ADGRE3: variants seen among roughly 807,000 people sequenced by gnomAD.
ADGRE3 encodes EGF-like module receptor 3.
Under a neutral mutation model 80.1 loss-of-function variants are expected in ADGRE3, and 88 were observed. That is an observed-to-expected ratio of 1.10 (90% CI 0.93 to 1.31). The LOEUF is 1.31. ADGRE3 is among the 40% of genes most tolerant of loss of function. ADGRE3 has a pLI of 0.00. For missense variants in ADGRE3, 715 were observed against 776.5 expected, an observed-to-expected ratio of 0.92 and a Z score of 0.94; for synonymous variants, 281 against 294.8, an observed-to-expected ratio of 0.95 and a Z score of 0.48.
rs1249785195 is a variant in ADGRE3 at position 14,644,041 on chromosome 19, G to C, written c.1050+67C>G. 6.9e-6 allele frequency: 6 copies of C among 870,678 alleles called. No homozygotes were observed. In the South Asian group the frequency reaches 2.1e-4, roughly 31 times the overall value. 53.9% of individuals were successfully genotyped at this position (870,678 alleles called of 1,614,324 possible). The stretch of plus-strand genomic sequence containing the variant: ...TCAGTTTTTTTTTTTTTTTTTAATA[G>C]CACTTATTACCACTTAGTAGGGGCT... On this transcript the variant is annotated intron_variant, in intron 9 of 15. Coordinates refer to ENST00000253673, the MANE Select transcript of ADGRE3 (RefSeq NM_032571.5).
At chr19:14,664,616 G>A (rs1293029732) in intron 2 of ADGRE3, among the ~76,000 whole-genome samples, 1 of 152,138 alleles carries the variant, frequency 6.6e-6, no homozygotes, top group Non-Finnish European at 1.5e-5. Flanking sequence ...GGCTGAAGCG[G>A]GAGGATTGCT....
At chr19:14,646,659 T>TCCTCCCTC (rs546627316) in intron 8 of ADGRE3, among the ~76,000 whole-genome samples, 3 of 85,362 alleles carry the variant, frequency 3.5e-5, no homozygotes, top group Admixed American at 2.5e-4. Context: ...CTCTCTCTCT[T>TCCTCCCTC]CCTCCCTCCC....
At chr19:14,653,509 GT>G (rs565938001) in intron 6 of ADGRE3, among the ~76,000 whole-genome samples, 2 of 152,070 alleles carry the variant, frequency 1.3e-5, no homozygotes, top group South Asian at 4.1e-4. Flanking sequence ...TTTCTTAAAA[GT>G]TTGAGTCGTT....
chr19:14,618,017 T>C (rs1459519598), downstream of ADGRE3, among the ~76,000 whole-genome samples: 1 of 152,174 alleles, frequency 6.6e-6, no homozygotes, highest in African/African-American at 2.4e-5. Flanking sequence ...TTACATTCTT[T>C]AATTTTTTTA....
chr19:14,633,519 AC>A (rs1177425931), intron 11 of ADGRE3, among the ~76,000 whole-genome samples: 1 of 151,950 alleles, frequency 6.6e-6, no homozygotes, highest in African/African-American at 2.4e-5. Context: ...ATCCTGGCTA[AC>A]GTGGTGAAAC....
chr19:14,619,082 C>T (rs2075101368), downstream of ADGRE3: 1 of 291,160 alleles, frequency 3.4e-6, no homozygotes, highest in South Asian at 3.2e-5. Context: ...GCCTGGGTGA[C>T]AGAGTGAAAC....
the ADGRE3 span, chr19:14,610,756 A>G: frequency 3.3e-5 from 5 of 152,772 alleles, no homozygotes; most frequent in African/African-American, 4.8e-5. Context: ...CCTTGCCTCA[A>G]TGGATCCTCC....
At chr19:14,664,738 T>C (rs1438927532) in intron 2 of ADGRE3, among the ~76,000 whole-genome samples, 3 of 151,930 alleles carry the variant, frequency 2.0e-5, no homozygotes, top group Non-Finnish European at 4.4e-5. Flanking sequence ...AATTTGAATT[T>C]GTATGGTACC....
At chr19:14,653,945 G>GT (rs1388784134) in intron 6 of ADGRE3, among the ~76,000 whole-genome samples, 4,294 of 52,028 alleles carry the variant, frequency 0.083, 194 homozygotes, top group African/African-American at 0.29. Flanking sequence ...CTGTGTGTGT[G>GT]TTTTTTTTTT....
chr19:14,630,379 C>T (rs1970849595), intron 13 of ADGRE3, among the ~76,000 whole-genome samples, 172 bp from the exon 14 acceptor site: 1 of 148,730 alleles, frequency 6.7e-6, no homozygotes, highest in South Asian at 2.1e-4. Flanking sequence ...CTTCTTGCAA[C>T]TCAGCTCCCT....
the ADGRE3 span, chr19:14,600,241 G>T: frequency 1.9e-6 from 3 of 1,586,652 alleles, no homozygotes; most frequent in Non-Finnish European, 1.7e-6. Flanking sequence ...TCTCTTCCAG[G>T]ATGCACACAT....
intron 3 of ADGRE3, 90 bp from the exon 4 acceptor site, chr19:14,662,208 G>A: frequency 1.5e-6 from 2 of 1,330,584 alleles, no homozygotes; most frequent in Non-Finnish European, 2.1e-6. Flanking sequence ...TTTCCCCCAT[G>A]GTCTGTCCTG....
In ADGRE3 at chr19:14,668,787, G is replaced by C; in HGVS notation, c.76+15C>G. On this transcript the variant is annotated intron_variant, in intron 2 of 15. Coordinates refer to ENST00000253673, the MANE Select transcript of ADGRE3 (RefSeq NM_032571.5). ...CTTGGTCCACAAGTTCTCTGTTCTG[G>C]CTCTGAGCACTCACTTTTGGTTTTC... 1 of 1,612,970 alleles carries C rather than the reference G, an allele frequency of 6.2e-7. No homozygotes were observed. The highest frequency in any genetic ancestry group is 8.5e-7 in the Non-Finnish European group (1 of 1,179,124).
chr19:14,654,880 G>T, intron 6 of ADGRE3, 102 bp downstream of exon 6: 2 of 797,830 alleles, frequency 2.5e-6, no homozygotes, highest in East Asian at 5.5e-5. Flanking sequence ...TTTACATAAA[G>T]GGACTCATGT....
the ADGRE3 span, among the ~76,000 whole-genome samples, chr19:14,612,987 G>A: frequency 2.2e-4 from 34 of 151,446 alleles, no homozygotes; most frequent in African/African-American, 6.1e-4. Context: ...GTGCAGCGGC[G>A]TGATCTCGGC....
chr19:14,636,133 T>TTC lies in ADGRE3; in HGVS notation c.1484+1971_1484+1972insGA, dbSNP rs1555755829. Among the ~76,000 whole-genome samples, 33 of 37,812 alleles carry TTC rather than the reference T, an allele frequency of 8.7e-4. 3 individuals carry two copies. The highest frequency in any genetic ancestry group is 3.4e-3 in the East Asian group (3 of 890). The allele number at this position is 37,812 out of a possible 152,430, so 24.8% of individuals were successfully genotyped here. ...TTCTTTCTTTCTTTCTTTCTTTCTT[T>TTC]CTTTCTTTCTTTCTTTCTTCCTTTC... On this transcript the variant is annotated intron_variant, in intron 11 of 15. Transcript: ENST00000253673.
intron 6 of ADGRE3, among the ~76,000 whole-genome samples, chr19:14,651,889 A>G (rs961345082): frequency 1.3e-5 from 2 of 152,056 alleles, no homozygotes; most frequent in Non-Finnish European, 2.9e-5. Context: ...TAAAAATACA[A>G]AAATTATCTG....
intron 5 of ADGRE3, 54 bp from the exon 6 acceptor site, chr19:14,655,219 A>T: frequency 6.7e-7 from 1 of 1,500,990 alleles, no homozygotes; most frequent in Non-Finnish European, 9.1e-7. Context: ...GGTAAGTCCC[A>T]TATCCAAAAG....
chr19:14,662,789 C>T (rs972131732), intron 3 of ADGRE3, among the ~76,000 whole-genome samples: 1 of 150,580 alleles, frequency 6.6e-6, no homozygotes, highest in Non-Finnish European at 1.5e-5. Context: ...TATCCCTGGC[C>T]AGGTGCAGGG....
Sources: gnomAD v4.1 joint callset for allele counts (sites outside exome capture counted in the v4.1 genomes callset) on GRCh38, gnomAD v4.1.1 for gene constraint, MANE v1.5 for transcripts, NCBI Gene and HGNC (gene_info 2026-07-23, HGNC 2026-07-21) for gene names.